PLA2R1: variants seen among roughly 807,000 people sequenced by gnomAD.
The protein encoded by PLA2R1 is secretory phospholipase A2 receptor.
PLA2R1 carries 158 observed loss-of-function variants against 195.9 expected under a neutral mutation model. The observed-to-expected ratio is 0.81, with a 90% CI of 0.71 to 0.92. The LOEUF (loss-of-function observed/expected upper bound fraction) is 0.92, where lower values mean the gene tolerates loss of function less well. PLA2R1 is among the 40% of genes least tolerant of loss of function. PLA2R1 has a pLI of 0.00. For synonymous variants in PLA2R1, 586 were observed against 598.2 expected (o/e 0.98, Z 0.30); for missense variants, 1,626 against 1,764.6 (o/e 0.92, Z 1.41).
At chr2:160,016,747 C>G in intron 8 of PLA2R1, 35 bp from the exon 9 acceptor site, 1 of 1,009,792 alleles carries the variant, frequency 9.9e-7, no homozygotes. Context: ...AATGAATACA[C>G]TCTGTGCTGA....
chr2:160,024,130 T>C (rs909043087), intron 6 of PLA2R1, among the ~76,000 whole-genome samples: 10 of 152,112 alleles, frequency 6.6e-5, no homozygotes, highest in Admixed American at 6.5e-4. Context: ...ACCCTGTCTC[T>C]CTGTGGACTA....
chr2:159,958,662 T>C (rs983069869), intron 20 of PLA2R1, among the ~76,000 whole-genome samples: 2 of 152,164 alleles, frequency 1.3e-5, no homozygotes. Context: ...TCAAATGACA[T>C]TGTCAGTCAT....
downstream of PLA2R1, among the ~76,000 whole-genome samples, chr2:159,927,509 ATTGT>A (rs2125896078): frequency 6.6e-6 from 1 of 152,230 alleles, no homozygotes; most frequent in South Asian, 2.1e-4. Flanking sequence ...TTTGAATTTA[ATTGT>A]TTGTCAGGCA....
rs535220941 is a variant in PLA2R1 at position 159,984,328 on chromosome 2, AT to A, written c.2038-256del. ...GTTTTATAAATGAGCTTTTTGAGGA[AT>A]TTTTTTTCACCCTAAATCTTCTGTG... On this transcript the variant is annotated intron_variant, in intron 12 of 29. Transcript: ENST00000283243. Among the ~76,000 whole-genome samples, 853 of 152,068 alleles carry A rather than the reference AT, an allele frequency of 5.6e-3. 7 individuals carry two copies. Among genetic ancestry groups the A allele is most frequent in the African/African-American group, 0.02 (816 of 41,484 alleles).
At chr2:159,981,254 AAAATAG>A (rs1184437922) in intron 13 of PLA2R1, among the ~76,000 whole-genome samples, 2 of 151,826 alleles carry the variant, frequency 1.3e-5, no homozygotes, top group African/African-American at 4.8e-5. Flanking sequence ...TCTGATTAAT[AAAATAG>A]AAATAGAAAA....
chr2:160,005,675 G>T lies in PLA2R1; in HGVS notation c.1811C>A (p.Thr604Lys). ...ACGCGGCTGGTGTGTGTTCCAGTGT[G>T]TGTACTGCACCGGCTCGGGTTTCTG... Reference protein sequence around the residue: ...VGQKPEPVQYTHWNTHQPRYS... With the variant: ...VGQKPEPVQYKHWNTHQPRYS... Residue 604 changes from threonine (T) to lysine (K), a missense_variant, in exon 11 of 30, where the codon ACA becomes AAA. Physicochemically the swap from Thr to Lys is moderately conservative, Grantham distance 78. Coordinates refer to ENST00000283243, the MANE Select transcript of PLA2R1 (RefSeq NM_007366.5). 6.2e-7 allele frequency: 1 copy of T among 1,614,066 alleles called. No individual in the cohort carries two copies. Among genetic ancestry groups the T allele is most frequent in the Non-Finnish European group, 8.5e-7 (1 of 1,179,976 alleles).
rs1015035293 is a variant in PLA2R1 at position 160,032,991 on chromosome 2, A to G, written c.809T>C (p.Ile270Thr). 1 of 1,613,090 alleles carries G rather than the reference A, an allele frequency of 6.2e-7. No homozygotes were observed. The highest frequency in any genetic ancestry group is 1.3e-5 in the African/African-American group (1 of 74,902). ...GAAATTTTCTTCAGTTTCATCTGTA[A>G]TACTTAACAGCGTACCTCCTTGCAT... is the stretch of plus-strand genomic sequence containing the variant. ...CQMQGGTLLS[I>T]TDETEENFIR... The change falls in exon 4 of 30, where the codon ATT becomes ACT. Residue 270 changes from isoleucine (I) to threonine (T), a missense_variant. Coordinates refer to ENST00000283243, the MANE Select transcript of PLA2R1 (RefSeq NM_007366.5).
At chr2:160,017,685 G>C (rs1250974035) in intron 8 of PLA2R1, among the ~76,000 whole-genome samples, 1 of 152,064 alleles carries the variant, frequency 6.6e-6, no homozygotes, top group African/African-American at 2.4e-5. Flanking sequence ...TATAATAACT[G>C]CTAACATATT....
intron 1 of PLA2R1, among the ~76,000 whole-genome samples, chr2:160,061,678 G>A (rs1306914169): frequency 6.6e-6 from 1 of 152,192 alleles, no homozygotes. Flanking sequence ...GGGAGGCTGA[G>A]GTGGGAGGAT....
rs1247219304 is a variant in PLA2R1 at position 159,945,101 on chromosome 2, C to G, written c.3968-19G>C. ...GTTTCATCTGTGAGAAAATTGCTGACTCATTATGAATTATGTGCATGGTTA... is the reference window on the plus strand; with the variant it reads ...GTTTCATCTGTGAGAAAATTGCTGAGTCATTATGAATTATGTGCATGGTTA... On this transcript the variant is annotated intron_variant, in intron 27 of 29. Coordinates refer to ENST00000283243, the MANE Select transcript of PLA2R1 (RefSeq NM_007366.5). The G allele has an allele frequency of 6.3e-7, 1 of 1,584,908 alleles. No homozygotes were observed. Among genetic ancestry groups the G allele is most frequent in the Admixed American group, 1.7e-5 (1 of 58,020 alleles).
intron 20 of PLA2R1, among the ~76,000 whole-genome samples, chr2:159,962,562 C>T (rs1001930667): frequency 1.1e-4 from 17 of 152,310 alleles, no homozygotes; most frequent in Middle Eastern, 6.8e-3. Context: ...ATAAATCATG[C>T]TGCTATAAAG....
intron 1 of PLA2R1, among the ~76,000 whole-genome samples, chr2:160,054,758 T>G (rs1363425147): frequency 6.6e-6 from 1 of 152,236 alleles, no homozygotes; most frequent in Non-Finnish European, 1.5e-5. Context: ...TTTGTTTATT[T>G]TATGAACAAT....
chr2:160,062,216 G>A (rs79031867), intron 1 of PLA2R1, 79 bp downstream of exon 1: 3 of 1,141,986 alleles, frequency 2.6e-6, no homozygotes, highest in East Asian at 3.1e-5. Context: ...CCCTAGCTTC[G>A]CCCCTTCTTC....
rs762320808 is a variant in PLA2R1 at position 159,945,020 on chromosome 2, G to T, written c.4030C>A (p.Pro1344Thr). 4 of 1,613,382 alleles carry T rather than the reference G, an allele frequency of 2.5e-6. No individual in the cohort carries two copies. Among genetic ancestry groups the T allele is most frequent in the Non-Finnish European group, 3.4e-6 (4 of 1,179,590 alleles). The part of the protein sequence containing the change: ...TDQSNWGIRK[P>T]DTDYFKPHHC... ...TGGGGCTTGAAGTAGTCTGTGTCTG[G>T]CTTCCGAATGCCCCAGTTTGACTGG... The change falls in exon 28 of 30, where the codon CCA becomes ACA. Residue 1344 changes from proline (P) to threonine (T), a missense_variant. Physicochemically the swap from Pro to Thr is conservative, Grantham distance 38. Coordinates refer to ENST00000283243, the MANE Select transcript of PLA2R1 (RefSeq NM_007366.5).
intron 7 of PLA2R1, among the ~76,000 whole-genome samples, chr2:160,020,992 A>G (rs1693070326): frequency 6.6e-6 from 1 of 152,212 alleles, no homozygotes; most frequent in South Asian, 2.1e-4. Flanking sequence ...TATGTTAAGC[A>G]GATCTGAAAA....
intron 11 of PLA2R1, among the ~76,000 whole-genome samples, chr2:159,995,605 C>T (rs1350529859): frequency 2.0e-5 from 3 of 152,034 alleles, no homozygotes; most frequent in East Asian, 1.9e-4. Flanking sequence ...AGAACAAGGT[C>T]GTTCTGTTGA....
intron 23 of PLA2R1, among the ~76,000 whole-genome samples, chr2:159,953,856 CAG>C (rs1439427669): frequency 6.6e-6 from 1 of 152,178 alleles, no homozygotes; most frequent in Non-Finnish European, 1.5e-5. Flanking sequence ...TTCCTGGAGA[CAG>C]AGTCTCACTC....
chr2:159,969,205 T>C, intron 19 of PLA2R1, 51 bp downstream of exon 19: 1 of 882,938 alleles, frequency 1.1e-6, no homozygotes, highest in Non-Finnish European at 1.9e-6. Flanking sequence ...TTAAGCCTCC[T>C]GAAAATTATC....
In PLA2R1 at chr2:159,977,236, GATT is replaced by G. The variant is rs1689625581; in HGVS notation, c.2401+45_2401+47del. 3 of 1,430,614 alleles carry G rather than the reference GATT, an allele frequency of 2.1e-6. No individual in the cohort carries two copies. The African/African-American group carries it at 4.2e-5, about 20-fold the overall frequency. The allele number at this position is 1,430,614 out of a possible 1,614,324, so 88.6% of individuals were successfully genotyped here. A position where few individuals can be genotyped will look rare whatever the true frequency, so the allele number is the denominator to read the frequency against. ...GTGTTTAAATTGGGAAAGTACTAGAGATTATTAGAAATCAAACATATAGCAAAG... is the reference window on the plus strand; with the variant it reads ...GTGTTTAAATTGGGAAAGTACTAGAGATTAGAAATCAAACATATAGCAAAG... On this transcript the variant is annotated intron_variant, in intron 15 of 29. Transcript: ENST00000283243.
Sources: gnomAD v4.1 joint callset for allele counts (sites outside exome capture counted in the v4.1 genomes callset) on GRCh38, gnomAD v4.1.1 for gene constraint, MANE v1.5 for transcripts, NCBI Gene and HGNC (gene_info 2026-07-23, HGNC 2026-07-21) for gene names.